FXYD4: variants seen among roughly 807,000 people sequenced by gnomAD.
FXYD4 encodes the protein FXYD domain-containing ion transport regulator 4.
In FXYD4, 14 loss-of-function variants were observed where a neutral mutation model predicts 18.3. The ratio of observed to expected loss-of-function variants is 0.77; its 90% CI spans 0.51 to 1.20. FXYD4 has a LOEUF of 1.20. Among genes scored for constraint, FXYD4 ranks in the 50% most tolerant of loss-of-function variants. The probability of loss-of-function intolerance (pLI) is 0.00; values close to 1 mark genes in which losing one functional copy is unlikely to be tolerated. For missense variants in FXYD4, 99 were observed against 106.1 expected, an observed-to-expected ratio of 0.93 and a Z score of 0.29; for synonymous variants, 40 against 40.5, an observed-to-expected ratio of 0.99 and a Z score of 0.04.
At position 43,376,171 on chromosome 10, in the gene FXYD4, A is replaced by G; in HGVS notation, c.*5A>G. The G allele has an allele frequency of 6.2e-7, 1 of 1,613,604 alleles. No individual in the cohort carries two copies. Among genetic ancestry groups the G allele is most frequent in the Middle Eastern group, 1.8e-4 (1 of 5,696 alleles). ...GGCTCTGCCACTACTTGCTGAGCACAGGACTGGCCTCCAGGGATGGCCTGA... is the reference window on the plus strand; with the variant it reads ...GGCTCTGCCACTACTTGCTGAGCACGGGACTGGCCTCCAGGGATGGCCTGA... On this transcript the variant is annotated 3_prime_UTR_variant, in exon 9 of 9. Transcript: ENST00000476166.
intron 1 of FXYD4, among the ~76,000 whole-genome samples, chr10:43,372,329 GGC>G (rs1223235074): frequency 6.6e-6 from 1 of 152,250 alleles, no homozygotes; most frequent in East Asian, 1.9e-4. Context: ...CTGTTGCCCA[GGC>G]TGGAGTGCAG....
intron 5 of FXYD4, among the ~76,000 whole-genome samples, chr10:43,375,021 C>CTTTTT (rs964746350): frequency 2.4e-4 from 22 of 93,574 alleles, no homozygotes; most frequent in African/African-American, 4.1e-4. Context: ...ATGTCCACTT[C>CTTTTT]TTTTTTTTTT....
chr10:43,374,923 C>T (rs1837850365), intron 5 of FXYD4, among the ~76,000 whole-genome samples: 1 of 152,050 alleles, frequency 6.6e-6, no homozygotes, highest in Non-Finnish European at 1.5e-5. Flanking sequence ...GTCCCCAGCC[C>T]TCAGGCAGTC....
In FXYD4 at chr10:43,374,616, A is replaced by G; in HGVS notation, c.74A>G (p.Asn25Ser). Residue 25 changes from asparagine (N) to serine (S), a missense_variant, in exon 5 of 9, where the codon AAT becomes AGT. Physicochemically the swap from Asn to Ser is conservative, Grantham distance 46 (BLOSUM62 1). Transcript: ENST00000476166. ...CTTTTTGCCCCACTTTTTCTAGCCA[A>G]TAAAGACGATCCCTTCTACTATGGT... ...TALEANDPFANKDDPFYYDWK... is the reference protein window; with the variant it reads ...TALEANDPFASKDDPFYYDWK... 1.2e-6 allele frequency: 2 copies of G among 1,613,720 alleles called. No homozygotes were observed. Among genetic ancestry groups the G allele is most frequent in the Non-Finnish European group, 8.5e-7 (1 of 1,179,668 alleles).
intron 5 of FXYD4, 73 bp from the exon 6 acceptor site, chr10:43,375,426 G>A (rs1177912231): frequency 1.7e-6 from 2 of 1,150,874 alleles, no homozygotes; most frequent in African/African-American, 1.5e-5. Context: ...ACAAGCAGGG[G>A]CTCAGGAGTG....
Position 43,376,178 on chromosome 10 carries a change from G to T in FXYD4, c.*12G>T. The stretch of plus-strand genomic sequence containing the variant: ...CCACTACTTGCTGAGCACAGGACTG[G>T]CCTCCAGGGATGGCCTGAAGCCTAA... On this transcript the variant is annotated 3_prime_UTR_variant, in exon 9 of 9. Coordinates refer to ENST00000476166, the MANE Select transcript of FXYD4 (RefSeq NM_173160.3). 1.2e-6 allele frequency: 2 copies of T among 1,613,354 alleles called. No individual in the cohort carries two copies. The highest frequency in any genetic ancestry group is 1.7e-6 in the Non-Finnish European group (2 of 1,179,928).
In FXYD4 at chr10:43,373,715, TC is replaced by T; in HGVS notation, c.-27del. ...CTGCAGACCCCCGCCCCAGTGCCTCTCCCCCTGCAGCCCTGCCCCTCGAACT... is the reference window on the plus strand; with the variant it reads ...CTGCAGACCCCCGCCCCAGTGCCTCTCCCCTGCAGCCCTGCCCCTCGAACT... On this transcript the variant is annotated 5_prime_UTR_variant, in exon 3 of 9. An upstream open reading frame in the 5' UTR loses its in-frame stop. Coordinates refer to ENST00000476166, the MANE Select transcript of FXYD4 (RefSeq NM_173160.3). 1 of 1,484,678 alleles carries T rather than the reference TC, an allele frequency of 6.7e-7. No individual in the cohort carries two copies. Among genetic ancestry groups the T allele is most frequent in the Non-Finnish European group, 9.4e-7 (1 of 1,062,444 alleles). The allele number at this position is 1,484,678 out of a possible 1,614,324, so 92.0% of individuals were successfully genotyped here.
Position 43,375,835 on chromosome 10 carries a change from G to A in FXYD4, c.212+101G>A, listed in dbSNP as rs1404785168. On this transcript the variant is annotated intron_variant, in intron 7 of 8. Coordinates refer to ENST00000476166, the MANE Select transcript of FXYD4 (RefSeq NM_173160.3). ...AGCATCCTGGCCACTCGCTGGGCTTGCAGCTGGCTTTGTTATTCAGATAGT... is the reference window on the plus strand; with the variant it reads ...AGCATCCTGGCCACTCGCTGGGCTTACAGCTGGCTTTGTTATTCAGATAGT... 6.7e-6 allele frequency: 9 copies of A among 1,346,304 alleles called. No individual in the cohort carries two copies. In the South Asian group the frequency reaches 8.2e-5, roughly 12 times the overall value. The allele number at this position is 1,346,304 out of a possible 1,614,324, so 83.4% of individuals were successfully genotyped here.
At chr10:43,372,239 G>A (rs117792009) in intron 1 of FXYD4, among the ~76,000 whole-genome samples, 1,593 of 152,052 alleles carry the variant, frequency 0.01, 6 homozygotes, top group Middle Eastern at 0.034. Flanking sequence ...TCTCCCTCCA[G>A]TGCCTCCCTC....
chr10:43,375,778 A>G (rs769803405), intron 7 of FXYD4, 44 bp downstream of exon 7: 1 of 1,589,302 alleles, frequency 6.3e-7, no homozygotes, highest in Non-Finnish European at 8.6e-7. Context: ...GGGCAGAACT[A>G]CGGGGGGACA....
rs780023369 is a variant in FXYD4 at position 43,375,756 on chromosome 10, C to T, written c.212+22C>T. 3 of 1,612,682 alleles carry T rather than the reference C, an allele frequency of 1.9e-6. No homozygotes were observed. The South Asian group carries it at 3.3e-5, about 18-fold the overall frequency. On this transcript the variant is annotated intron_variant, in intron 7 of 8. Coordinates refer to ENST00000476166, the MANE Select transcript of FXYD4 (RefSeq NM_173160.3). ...ACAGGTGAGCCTGACCCTATGGTGC[C>T]CTCCTCCTTCGGGGCAGAACTACGG... is the stretch of plus-strand genomic sequence containing the variant.
chr10:43,375,988 C>T, intron 7 of FXYD4, 44 bp from the exon 8 acceptor site: 1 of 1,606,806 alleles, frequency 6.2e-7, no homozygotes, highest in Non-Finnish European at 8.5e-7. Flanking sequence ...GGAGAAGGTC[C>T]TCCAGGCTAA....
chr10:43,372,138 A>G (rs1336075287), intron 1 of FXYD4, among the ~76,000 whole-genome samples: 2 of 152,018 alleles, frequency 1.3e-5, no homozygotes, highest in African/African-American at 4.8e-5. Flanking sequence ...AGGTTGGTGA[A>G]GGTAGAGAGA....
At chr10:43,374,842 G>C (rs1837849444) in intron 5 of FXYD4, among the ~76,000 whole-genome samples, 1 of 151,716 alleles carries the variant, frequency 6.6e-6, no homozygotes, top group Admixed American at 6.6e-5. Context: ...GCTGGTGCCT[G>C]GGTGGTTAGG....
intron 7 of FXYD4, 131 bp downstream of exon 7, chr10:43,375,865 C>A (rs370780800): frequency 2.5e-6 from 3 of 1,212,906 alleles, no homozygotes; most frequent in Middle Eastern, 2.0e-4. Context: ...GATAGTCAAC[C>A]CTGAAGGGCC....
At chr10:43,374,411 G>C (rs1837843274) in intron 3 of FXYD4, 59 bp from the exon 4 acceptor site, 1 of 1,562,418 alleles carries the variant, frequency 6.4e-7, no homozygotes, top group Non-Finnish European at 8.8e-7. Flanking sequence ...CTGCTGTCTG[G>C]CTTACTTGGA....
Position 43,376,218 on chromosome 10 carries a change from A to C in FXYD4, c.*52A>C, listed in dbSNP as rs756007095. ...CTGAAGCCTAACACTGGCCCCCAGC[A>C]CCTCCTCCCCTGGGAGGCCTTATCC... On this transcript the variant is annotated 3_prime_UTR_variant, in exon 9 of 9. Transcript: ENST00000476166. 2 of 1,602,390 alleles carry C rather than the reference A, an allele frequency of 1.2e-6. No homozygotes were observed. The highest frequency in any genetic ancestry group is 8.5e-7 in the Non-Finnish European group (1 of 1,171,412).
chr10:43,374,558 C>A, intron 4 of FXYD4, 55 bp from the exon 5 acceptor site: 2 of 1,611,474 alleles, frequency 1.2e-6, no homozygotes, highest in Non-Finnish European at 1.7e-6. Context: ...CCTCTGACAC[C>A]CACATCCTGT....
rs779353769 is a variant in FXYD4, at chr10:43,375,539, G to C, written c.138G>C (p.Gly46=). Residue 46 remains glycine, a synonymous_variant, in exon 6 of 9, where the codon GGG becomes GGC. Coordinates refer to ENST00000476166, the MANE Select transcript of FXYD4 (RefSeq NM_173160.3). ...AGCTGAGCGGACTGATCTGCGGAGGGCTCCTGGCCATTGCTGGGATCGCGG... is the reference window on the plus strand; with the variant it reads ...AGCTGAGCGGACTGATCTGCGGAGGCCTCCTGGCCATTGCTGGGATCGCGG... The part of the protein sequence containing the change: ...NLQLSGLICG[G]LLAIAGIAAV... 6.2e-7 allele frequency: 1 copy of C among 1,614,052 alleles called. No homozygotes were observed. Among genetic ancestry groups the C allele is most frequent in the South Asian group, 1.1e-5 (1 of 91,080 alleles).
Sources: allele counts gnomAD v4.1 joint callset (sites outside exome capture counted in the v4.1 genomes callset), GRCh38; gene constraint gnomAD v4.1.1; transcripts MANE v1.5; gene names NCBI Gene and HGNC (gene_info 2026-07-23, HGNC 2026-07-21).